Variants in ASPM observed in about 807,000 individuals in gnomAD.
The protein encoded by ASPM is assembly factor for spindle microtubules.
In ASPM, 256 loss-of-function variants were observed where a neutral mutation model predicts 366.4. That is an observed-to-expected ratio of 0.70 (90% confidence interval 0.63 to 0.77). The LOEUF (loss-of-function observed/expected upper bound fraction) is 0.77. ASPM is among the 30% of genes least tolerant of loss of function. ASPM has a pLI of 0.00. For synonymous variants in ASPM, 1,414 were observed against 1,342.9 expected (o/e 1.05, Z -1.16); for missense variants, 4,146 against 4,090.4 (o/e 1.01, Z -0.37).
At chr1:197,111,341 C>T (rs575226177) in intron 17 of ASPM, among the ~76,000 whole-genome samples, 154 of 152,108 alleles carry the variant, frequency 1.0e-3, no homozygotes, top group African/African-American at 3.5e-3. Context: ...TGCCCATCAC[C>T]ACTAAACATC....
At position 197,102,029 on chromosome 1, in the gene ASPM, G is replaced by A; in HGVS notation, c.7222C>T (p.His2408Tyr). ...CTCTGAATAAGGGTTGCAGAGGAAT[G>A]CATACTCTTCAAATGTCTTCTAGTT... ...MKTRRHLKSM[H>Y]SSATLIQSRF... Residue 2408 changes from histidine to tyrosine, a missense_variant, in exon 18 of 28, where the codon CAT (histidine) becomes TAT (tyrosine). Physicochemically the swap from His to Tyr is moderately conservative, Grantham distance 83. Transcript: ENST00000367409. The A allele has an allele frequency of 6.2e-7, 1 of 1,612,972 alleles. No homozygotes were observed. Among genetic ancestry groups the A allele is most frequent in the Non-Finnish European group, 8.5e-7 (1 of 1,179,326 alleles).
In ASPM at chr1:197,102,031, A is replaced by T; in HGVS notation, c.7220T>A (p.Met2407Lys). ...GMKTRRHLKSMHSSATLIQSR... is the reference protein window; with the variant it reads ...GMKTRRHLKSKHSSATLIQSR... ...CTGAATAAGGGTTGCAGAGGAATGCATACTCTTCAAATGTCTTCTAGTTTT... is the reference window on the plus strand; with the variant it reads ...CTGAATAAGGGTTGCAGAGGAATGCTTACTCTTCAAATGTCTTCTAGTTTT... The change falls in exon 18 of 28, where the codon ATG becomes AAG. Residue 2407 changes from methionine (M) to lysine (K), a missense_variant. Met to Lys is a moderately conservative substitution (Grantham distance 95). Transcript: ENST00000367409. 1 of 1,612,992 alleles carries T rather than the reference A, an allele frequency of 6.2e-7. No individual in the cohort carries two copies. Among genetic ancestry groups the T allele is most frequent in the Non-Finnish European group, 8.5e-7 (1 of 1,179,320 alleles).
intron 17 of ASPM, among the ~76,000 whole-genome samples, chr1:197,107,620 G>C (rs533490621): frequency 6.6e-6 from 1 of 152,058 alleles, no homozygotes; most frequent in South Asian, 2.1e-4. Context: ...ACTGGAATTG[G>C]AATTAACTGA....
At chr1:197,085,121 C>A (rs553707547) in intron 27 of ASPM, among the ~76,000 whole-genome samples, 1 of 152,258 alleles carries the variant, frequency 6.6e-6, no homozygotes, top group South Asian at 2.1e-4. Context: ...TGTTGTCTCT[C>A]TCTCCTACCA....
rs1223366761 is a variant in ASPM, at chr1:197,088,251, C to G, written c.10161+5G>C. On this transcript the variant is annotated splice_donor_5th_base_variant and intron_variant, in intron 26 of 27. Coordinates refer to ENST00000367409, the MANE Select transcript of ASPM (RefSeq NM_018136.5). The stretch of plus-strand genomic sequence containing the variant: ...CTTAAAGAAAGGCAACTGACTAATA[C>G]TTACAGAGGCTCTATTTGTTGTCTT... 1 of 1,612,310 alleles carries G rather than the reference C, an allele frequency of 6.2e-7. No homozygotes were observed. Among genetic ancestry groups the G allele is most frequent in the Non-Finnish European group, 8.5e-7 (1 of 1,178,930 alleles).
At chr1:197,089,481 C>G (rs1656702644) in intron 25 of ASPM, among the ~76,000 whole-genome samples, 3 of 152,006 alleles carry the variant, frequency 2.0e-5, no homozygotes, top group Non-Finnish European at 4.4e-5. Flanking sequence ...ATCACCACCT[C>G]TAAAGGCAGA....
Position 197,090,979 on chromosome 1 carries a change from C to G in ASPM, c.9507G>C (p.Lys3169Asn). Reference sequence around the variant, plus strand: ...GACATTCTTGACCTTCATGCTCAATCTTTTTGATGCTATGATATTTCTGAA... The same window carrying G: ...GACATTCTTGACCTTCATGCTCAATGTTTTTGATGCTATGATATTTCTGAA... Reference protein sequence around the residue: ...RFIQKYHSIKKIEHEGQECLS... With the variant: ...RFIQKYHSIKNIEHEGQECLS... The change falls in exon 23 of 28, where the codon AAG becomes AAC. Residue 3169 changes from lysine (K) to asparagine (N), a missense_variant. By Grantham distance (94) the Lys-to-Asn change is moderately conservative. Transcript: ENST00000367409. 1 of 1,612,688 alleles carries G rather than the reference C, an allele frequency of 6.2e-7. No homozygotes were observed.
chr1:197,133,223 G>A, intron 6 of ASPM, 127 bp downstream of exon 6: 4 of 941,846 alleles, frequency 4.2e-6, no homozygotes, highest in East Asian at 2.6e-5. Flanking sequence ...TCAACATCAT[G>A]TTGTATACCT....
chr1:197,122,039 A>C lies in ASPM; in HGVS notation c.3746T>G (p.Val1249Gly). ...ACAAAGAAATGACAAATAGGTAATA[A>C]CCACCTAAAAAAAACCCACAAAAGA... Reference protein sequence around the residue: ...MSNTIPDEKVVITYLSFLCAR... With the variant: ...MSNTIPDEKVGITYLSFLCAR... Residue 1249 changes from valine to glycine, a missense_variant, in exon 16 of 28, where the codon GTT becomes GGT. By Grantham distance (109) the Val-to-Gly change is moderately radical (BLOSUM62 -3). Transcript: ENST00000367409. 6.2e-7 allele frequency: 1 copy of C among 1,612,024 alleles called. No individual in the cohort carries two copies. Among genetic ancestry groups the C allele is most frequent in the Admixed American group, 1.7e-5 (1 of 59,824 alleles).
rs1658626619 is a variant in ASPM, at chr1:197,142,654, T to C, written c.1598A>G (p.Asn533Ser). 1 of 1,612,422 alleles carries C rather than the reference T, an allele frequency of 6.2e-7. No homozygotes were observed. Among genetic ancestry groups the C allele is most frequent in the Non-Finnish European group, 8.5e-7 (1 of 1,178,818 alleles). The change falls in exon 3 of 28, where the codon AAT (asparagine) becomes AGT (serine). Residue 533 changes from asparagine (N) to serine (S), a missense_variant. Around this residue, in one of 3 missense-constraint regions of ASPM, gnomAD observed 3,624 missense variants for 3,591.7 expected, o/e 1.01. Coordinates refer to ENST00000367409, the MANE Select transcript of ASPM (RefSeq NM_018136.5). ...AAAATCTTCTTTTTCCTTTTGATTA[T>C]TTATTACTTTTTCATGTTCACCCAC... ...SAVGEHEKVI[N>S]NQKEKEDFHS...
At chr1:197,121,834 G>A (rs189009899) in intron 16 of ASPM, 81 bp downstream of exon 16, 1 of 1,479,696 alleles carries the variant, frequency 6.8e-7, no homozygotes, top group Admixed American at 1.7e-5. Context: ...TCCATAAAAT[G>A]TAAAATCATA....
intron 27 of ASPM, 41 bp downstream of exon 27, chr1:197,086,762 G>C (rs1424057135): frequency 1.3e-6 from 2 of 1,505,792 alleles, no homozygotes; most frequent in Non-Finnish European, 1.8e-6. Context: ...ATGAATGAAT[G>C]AACAGTGACA....
intron 17 of ASPM, 150 bp downstream of exon 17, chr1:197,117,639 G>A (rs1375224778): frequency 2.7e-5 from 19 of 698,422 alleles, no homozygotes; most frequent in East Asian, 5.5e-5. Flanking sequence ...ACACCATAAC[G>A]AGCTTTTCAG....
In ASPM at chr1:197,117,990, T is replaced by TA; in HGVS notation, c.3871-8dup. 2 of 1,611,248 alleles carry TA rather than the reference T, an allele frequency of 1.2e-6. No homozygotes were observed. The highest frequency in any genetic ancestry group is 1.7e-6 in the Non-Finnish European group (2 of 1,177,904). ...TTGCAGCTTTCTCTCTCTCCTAAAA[T>TA]AAAAAAGTCAGCAAATGTAAATTAA... On this transcript the variant is annotated splice_region_variant and splice_polypyrimidine_tract_variant and intron_variant, in intron 16 of 27. Transcript: ENST00000367409.
chr1:197,143,685 C>T lies in ASPM; in HGVS notation c.567G>A (p.Arg189=), dbSNP rs751086466. The change falls in exon 3 of 28, where the codon AGG becomes AGA. Residue 189 remains arginine (R), a synonymous_variant. Coordinates refer to ENST00000367409, the MANE Select transcript of ASPM (RefSeq NM_018136.5). ...AGTTTTCACAAGCTTGTAGTGGGCT[C>T]CTAACTCTGTCAACTTTTTGGGAAA... The part of the protein sequence containing the change: ...FSVSQKVDRV[R]SPLQACENLA... 1.1e-5 allele frequency: 17 copies of T among 1,613,818 alleles called. No homozygotes were observed. The highest frequency in any genetic ancestry group is 1.4e-5 in the Non-Finnish European group (17 of 1,179,884).
chr1:197,138,919 T>C, intron 4 of ASPM: 1 of 863,432 alleles, frequency 1.2e-6, no homozygotes, highest in South Asian at 1.3e-5. Context: ...TGCTTGAACT[T>C]GTCCTGCAGC....
In ASPM at chr1:197,100,799, C is replaced by A. The variant is rs188955444; in HGVS notation, c.8452G>T (p.Ala2818Ser). The A allele has an allele frequency of 2.4e-4, 387 of 1,612,524 alleles. 1 individual carries two copies. The East Asian group carries it at 7.6e-3, about 32-fold the overall frequency. The change falls in exon 18 of 28, where the codon GCA becomes TCA. Residue 2818 changes from alanine to serine, a missense_variant. Coordinates refer to ENST00000367409, the MANE Select transcript of ASPM (RefSeq NM_018136.5). ...EAEYHSQSRA[A>S]VTIQKAFCRM... ...CAAAAAGCTTTTTGAATTGTTACTG[C>A]AGCCCTACTTTGAGAATGATACTCT...
intron 6 of ASPM, among the ~76,000 whole-genome samples, chr1:197,132,874 CA>C (rs1341823167): frequency 6.6e-6 from 1 of 151,832 alleles, no homozygotes; most frequent in Non-Finnish European, 1.5e-5. Context: ...ATAGCCTAAG[CA>C]TAGAAAAACA....
intron 8 of ASPM, 112 bp from the exon 9 acceptor site, chr1:197,129,429 G>T: frequency 8.3e-7 from 1 of 1,204,940 alleles, no homozygotes; most frequent in Non-Finnish European, 1.2e-6. Context: ...GTGTAGGGTA[G>T]CAAGCACAAA....
Sources: gnomAD v4.1 joint callset for allele counts (sites outside exome capture counted in the v4.1 genomes callset) on GRCh38, gnomAD v4.1.1 for gene constraint, gnomAD v4.1.1 regional missense constraint, MANE v1.5 for transcripts, NCBI Gene and HGNC (gene_info 2026-07-23, HGNC 2026-07-21) for gene names.